PLEKHH2: variants seen among roughly 807,000 people sequenced by gnomAD.
PLEKHH2 encodes the protein pleckstrin homology domain-containing family H member 2.
PLEKHH2 carries 129 observed loss-of-function variants against 187.9 expected under a neutral mutation model. That is an observed-to-expected ratio of 0.69 (90% confidence interval 0.59 to 0.79). The LOEUF is 0.79. Among genes scored for constraint, PLEKHH2 ranks in the 30% least tolerant of loss-of-function variants. The probability of loss-of-function intolerance (pLI) is 0.00; values close to 1 mark genes in which losing one functional copy is unlikely to be tolerated. For missense variants in PLEKHH2, 2,076 were observed against 1,751.2 expected (o/e 1.19, Z -3.31); for synonymous variants, 686 against 605.6 (o/e 1.13, Z -1.95).
chr2:43,733,644 A>G (rs967052298), intron 19 of PLEKHH2, among the ~76,000 whole-genome samples: 1 of 152,148 alleles, frequency 6.6e-6, no homozygotes, highest in African/African-American at 2.4e-5. Flanking sequence ...ATCTTTATCA[A>G]CTGGAGATCC....
chr2:43,674,718 G>A (rs1667647035), intron 2 of PLEKHH2, among the ~76,000 whole-genome samples: 1 of 151,928 alleles, frequency 6.6e-6, no homozygotes, highest in South Asian at 2.1e-4. Context: ...CGTGTGGTGG[G>A]TCATGCCTGT....
At chr2:43,761,978 G>A (rs775073915) in intron 27 of PLEKHH2, among the ~76,000 whole-genome samples, 4 of 152,050 alleles carry the variant, frequency 2.6e-5, no homozygotes, top group Admixed American at 6.6e-5. Flanking sequence ...GACTATTAAC[G>A]TCTTAACGCA....
At chr2:43,644,838 T>TA (rs754982037) in intron 2 of PLEKHH2, 42 bp downstream of exon 2, 113 of 1,548,734 alleles carry the variant, frequency 7.3e-5, no homozygotes, top group Non-Finnish European at 9.2e-5. Flanking sequence ...TGTCAGCTAT[T>TA]TAGGGTCTGC....
At chr2:43,646,822 T>C (rs959777915) in intron 2 of PLEKHH2, among the ~76,000 whole-genome samples, 4 of 150,806 alleles carry the variant, frequency 2.7e-5, no homozygotes, top group South Asian at 2.1e-4. Context: ...TCTTCTTCTT[T>C]TTTTTTTTTT....
At chr2:43,645,208 T>A (rs984045077) in intron 2 of PLEKHH2, among the ~76,000 whole-genome samples, 1 of 152,158 alleles carries the variant, frequency 6.6e-6, no homozygotes, top group Non-Finnish European at 1.5e-5. Flanking sequence ...TAGGAATCTG[T>A]GTTGACTAAG....
chr2:43,684,214 T>A (rs866792023), intron 3 of PLEKHH2, among the ~76,000 whole-genome samples: 17 of 151,972 alleles, frequency 1.1e-4, no homozygotes, highest in Middle Eastern at 3.4e-3. Context: ...TTCCCCTTCC[T>A]TTCCCTTCCC....
At chr2:43,702,222 G>A (rs1669409270) in intron 8 of PLEKHH2, among the ~76,000 whole-genome samples, 1 of 152,190 alleles carries the variant, frequency 6.6e-6, no homozygotes, top group South Asian at 2.1e-4. Context: ...GACTGATGCA[G>A]TTTTAAGCAA....
At position 43,766,696 on chromosome 2, in the gene PLEKHH2, G is replaced by C. The variant is rs1281765885; in HGVS notation, c.*1098G>C. The stretch of plus-strand genomic sequence containing the variant: ...GCTCACTGTAGCCTCGACCTTCCGG[G>C]ATCAAGCAATCCCACTTCAGCCTCT... On this transcript the variant is annotated 3_prime_UTR_variant, in exon 30 of 30. Transcript: ENST00000282406. The C allele has an allele frequency of 6.6e-6, 1 of 152,260 alleles. No homozygotes were observed. The highest frequency in any genetic ancestry group is 6.5e-5 in the Admixed American group (1 of 15,274). The allele number at this position is 152,260 out of a possible 1,614,324, so 9.4% of individuals were successfully genotyped here.
At chr2:43,705,955 A>G (rs1223090013) in intron 9 of PLEKHH2, among the ~76,000 whole-genome samples, 1 of 152,182 alleles carries the variant, frequency 6.6e-6, no homozygotes, top group Admixed American at 6.5e-5. Context: ...ATGAATAGTC[A>G]GAGAATATCT....
intron 2 of PLEKHH2, among the ~76,000 whole-genome samples, chr2:43,650,897 G>C (rs916518026): frequency 1.3e-5 from 2 of 151,724 alleles, no homozygotes; most frequent in African/African-American, 2.4e-5. Context: ...TGCCCACCTT[G>C]GGCTCCCAAA....
chr2:43,674,226 TAAG>T (rs1325589359), intron 2 of PLEKHH2, among the ~76,000 whole-genome samples: 1 of 152,196 alleles, frequency 6.6e-6, no homozygotes, highest in Non-Finnish European at 1.5e-5. Context: ...ATAGTTCTCT[TAAG>T]AGAACTATTT....
intron 15 of PLEKHH2, among the ~76,000 whole-genome samples, chr2:43,716,150 G>C (rs868140896): frequency 6.6e-6 from 1 of 152,142 alleles, no homozygotes; most frequent in Non-Finnish European, 1.5e-5. Context: ...GGAGTCAGGA[G>C]AGGCATTTTT....
chr2:43,678,602 CG>C (rs1357403309), intron 2 of PLEKHH2, among the ~76,000 whole-genome samples: 1 of 152,022 alleles, frequency 6.6e-6, no homozygotes, highest in Non-Finnish European at 1.5e-5. Flanking sequence ...CGCAGGCACT[CG>C]GCAGGCTGAG....
chr2:43,659,510 A>G (rs1338176371), intron 2 of PLEKHH2, among the ~76,000 whole-genome samples: 3 of 150,910 alleles, frequency 2.0e-5, no homozygotes, highest in African/African-American at 7.3e-5. Context: ...TTGACCATTG[A>G]TATTGTTATC....
At chr2:43,650,708 C>T (rs1171296044) in intron 2 of PLEKHH2, among the ~76,000 whole-genome samples, 3 of 150,448 alleles carry the variant, frequency 2.0e-5, no homozygotes, top group Non-Finnish European at 4.4e-5. Context: ...TGCAGTGGTA[C>T]GATCTCTACT....
chr2:43,690,523 C>T (rs944140867), intron 3 of PLEKHH2, among the ~76,000 whole-genome samples: 1 of 152,084 alleles, frequency 6.6e-6, no homozygotes, highest in African/African-American at 2.4e-5. Flanking sequence ...CAGGAGAAAA[C>T]CCTCATTAGT....
chr2:43,720,942 A>C (rs1670449715), intron 16 of PLEKHH2, among the ~76,000 whole-genome samples, 193 bp downstream of exon 16: 1 of 152,176 alleles, frequency 6.6e-6, no homozygotes, highest in Non-Finnish European at 1.5e-5. Context: ...TTGATTCTTA[A>C]TTACAAGCCT....
chr2:43,672,100 C>T (rs1177072741), intron 2 of PLEKHH2, among the ~76,000 whole-genome samples: 1 of 152,160 alleles, frequency 6.6e-6, no homozygotes, highest in Non-Finnish European at 1.5e-5. Flanking sequence ...ATTTCATAGA[C>T]ATTGGGCTAT....
chr2:43,748,481 G>C (rs1054067781), intron 24 of PLEKHH2, among the ~76,000 whole-genome samples: 34 of 152,144 alleles, frequency 2.2e-4, no homozygotes, highest in African/African-American at 8.2e-4. Flanking sequence ...TCCCAACGTG[G>C]GCCCAACACT....
Sources: gnomAD v4.1 joint callset for allele counts (sites outside exome capture counted in the v4.1 genomes callset) on GRCh38, gnomAD v4.1.1 for gene constraint, MANE v1.5 for transcripts, NCBI Gene and HGNC (gene_info 2026-07-23, HGNC 2026-07-21) for gene names.